Variants in EXTL3 observed in about 807,000 individuals in gnomAD.
EXTL3 encodes exostosin-like 3.
In EXTL3, 27 loss-of-function variants were observed where a neutral mutation model predicts 69.3. The observed-to-expected ratio is 0.39, with a 90% CI of 0.29 to 0.54. EXTL3 has a LOEUF of 0.54. Among genes scored for constraint, EXTL3 ranks in the 20% least tolerant of loss-of-function variants. EXTL3 has a pLI of 0.69. For synonymous variants in EXTL3, 511 were observed against 499.4 expected (o/e 1.02, Z -0.31); for missense variants, 1,003 against 1,231.8 (o/e 0.81, Z 2.78).
At position 28,715,603 on chromosome 8, in the gene EXTL3, GCATCATAAGA is replaced by G. The variant is rs1338335287; in HGVS notation, c.-456_-447del. ...TTTGCAGGCCTGATTGTTGGCAAAGGCATCATAAGAAGCTGGCATTTATTTCTGTTCTAAC... is the reference window on the plus strand; with the variant it reads ...TTTGCAGGCCTGATTGTTGGCAAAGGAGCTGGCATTTATTTCTGTTCTAAC... On this transcript the variant is annotated 5_prime_UTR_variant, in exon 3 of 7. Coordinates refer to ENST00000220562, the MANE Select transcript of EXTL3 (RefSeq NM_001440.4). The G allele has an allele frequency of 6.3e-6, 1 of 159,212 alleles. No homozygotes were observed. The highest frequency in any genetic ancestry group is 1.4e-5 in the Non-Finnish European group (1 of 72,330). The allele number at this position is 159,212 out of a possible 1,614,324, so 9.9% of individuals were successfully genotyped here.
chr8:28,718,630 G>T (rs899990850), intron 3 of EXTL3, among the ~76,000 whole-genome samples: 4 of 152,168 alleles, frequency 2.6e-5, no homozygotes, highest in Non-Finnish European at 4.4e-5. Flanking sequence ...TGAAGCTTAG[G>T]TTAATGAATT....
At chr8:28,652,376 G>C (rs530148602) in intron 1 of EXTL3, among the ~76,000 whole-genome samples, 1 of 152,070 alleles carries the variant, frequency 6.6e-6, no homozygotes, top group Non-Finnish European at 1.5e-5. Flanking sequence ...AAAAATTATA[G>C]CCTGGTGTTG....
intron 1 of EXTL3, among the ~76,000 whole-genome samples, chr8:28,643,145 G>A (rs1279769102): frequency 6.6e-6 from 1 of 152,114 alleles, no homozygotes; most frequent in Non-Finnish European, 1.5e-5. Flanking sequence ...TCAAGAGGCT[G>A]AGGCAGAAGA....
At chr8:28,673,469 G>A (rs560785616) in intron 1 of EXTL3, among the ~76,000 whole-genome samples, 1 of 152,244 alleles carries the variant, frequency 6.6e-6, no homozygotes, top group South Asian at 2.1e-4. Context: ...TTTCCTGCCT[G>A]CCTGCTTGAG....
intron 6 of EXTL3, among the ~76,000 whole-genome samples, chr8:28,747,301 T>A (rs993966189): frequency 1.3e-5 from 2 of 152,072 alleles, no homozygotes; most frequent in Non-Finnish European, 1.5e-5. Flanking sequence ...AGAGCAGCAG[T>A]GAGTGAGGGG....
intron 1 of EXTL3, chr8:28,696,187 C>T (rs1342440693): frequency 1.3e-5 from 2 of 152,086 alleles, no homozygotes; most frequent in African/African-American, 4.8e-5. Context: ...GAGCCCACCA[C>T]ACAAGCCCAA....
chr8:28,671,315 T>G lies in EXTL3; in HGVS notation c.-52-42142T>G, dbSNP rs569378736. 4.1e-3 allele frequency among the ~76,000 whole-genome samples: 589 copies of G among 144,476 alleles called. 3 individuals carry two copies. The highest frequency in any genetic ancestry group is 0.013 in the African/African-American group (503 of 38,646). The allele number at this position is 144,476 out of a possible 152,430, so 94.8% of individuals were successfully genotyped here. On this transcript the variant is annotated intron_variant, in intron 1 of 6. Transcript: ENST00000523149. The stretch of plus-strand genomic sequence containing the variant: ...TTTTTATGTTTTGTTTTTTGTTTTT[T>G]TTTTTTTTTTTTTTGAGACCGACTC...
At chr8:28,652,836 C>T (rs1806948949) in intron 1 of EXTL3, among the ~76,000 whole-genome samples, 1 of 152,084 alleles carries the variant, frequency 6.6e-6, no homozygotes, top group South Asian at 2.1e-4. Context: ...TGTTCAAGCT[C>T]TTTGTCCTCT....
intron 1 of EXTL3, among the ~76,000 whole-genome samples, chr8:28,649,413 T>C (rs1563435667): frequency 6.6e-6 from 1 of 152,232 alleles, no homozygotes; most frequent in Non-Finnish European, 1.5e-5. Context: ...GACTTAAATT[T>C]TTTGCCAATC....
chr8:28,716,874 A>G lies in EXTL3; in HGVS notation c.815A>G (p.Asn272Ser). Residue 272 changes from asparagine (N) to serine (S), a missense_variant, in exon 3 of 7, where the codon AAC (asparagine) becomes AGC (serine). By Grantham distance (46) the Asn-to-Ser change is conservative. Around this residue, in one of 2 missense-constraint regions of EXTL3, gnomAD observed 742 missense variants for 815.4 expected, o/e 0.91. Transcript: ENST00000220562. This position sits in a 1 kb window ranked among gnomAD's most constrained non-coding sequence, Gnocchi z 7.1. ...CCACACTGGCGGACGGATGGACACAACCATGTCATCATCAATCTGTCACGT... is the reference window on the plus strand; with the variant it reads ...CCACACTGGCGGACGGATGGACACAGCCATGTCATCATCAATCTGTCACGT... ...SLPHWRTDGH[N>S]HVIINLSRKS... 6 of 1,614,182 alleles carry G rather than the reference A, an allele frequency of 3.7e-6. No homozygotes were observed. Among genetic ancestry groups the G allele is most frequent in the Non-Finnish European group, 5.1e-6 (6 of 1,180,026 alleles).
intron 1 of EXTL3, among the ~76,000 whole-genome samples, chr8:28,641,791 C>T (rs35032594): frequency 0.21 from 31,199 of 151,848 alleles, 3,949 homozygotes; most frequent in Non-Finnish European, 0.28. Flanking sequence ...GGCGCCTGGC[C>T]ATAACTTTAT....
chr8:28,700,929 C>G (rs1490574540), upstream of EXTL3: 2 of 152,316 alleles, frequency 1.3e-5, no homozygotes, highest in Non-Finnish European at 2.9e-5. Context: ...TTCTTCTTTC[C>G]TGTCTTGTTT....
At chr8:28,638,874 G>A (rs184852522) in intron 1 of EXTL3, among the ~76,000 whole-genome samples, 35 of 151,562 alleles carry the variant, frequency 2.3e-4, no homozygotes, top group Admixed American at 9.9e-4. Context: ...CAGGTGATCC[G>A]CCCACCTCAA....
chr8:28,660,477 T>A (rs1479373254), intron 1 of EXTL3, among the ~76,000 whole-genome samples: 1 of 152,112 alleles, frequency 6.6e-6, no homozygotes, highest in Admixed American at 6.6e-5. Context: ...ATTATATATA[T>A]GTGTGTGTGT....
At position 28,752,164 on chromosome 8, in the gene EXTL3, C is replaced by T. The variant is rs1017560355; in HGVS notation, c.*1298C>T. The T allele has an allele frequency of 6.6e-6, 1 of 152,136 alleles. No homozygotes were observed. Among genetic ancestry groups the T allele is most frequent in the East Asian group, 1.9e-4 (1 of 5,188 alleles). 9.4% of individuals were successfully genotyped at this position (152,136 alleles called of 1,614,324 possible). Reference sequence around the variant, plus strand: ...ACATCCAGCCTTGGAATCTAACGGGCATTCACAACCCGAGTTACCACTTTC... The same window carrying T: ...ACATCCAGCCTTGGAATCTAACGGGTATTCACAACCCGAGTTACCACTTTC... On this transcript the variant is annotated 3_prime_UTR_variant, in exon 7 of 7. Coordinates refer to ENST00000220562, the MANE Select transcript of EXTL3 (RefSeq NM_001440.4).
intron 1 of EXTL3, among the ~76,000 whole-genome samples, chr8:28,665,519 C>T (rs1419243730): frequency 1.3e-5 from 2 of 151,018 alleles, no homozygotes; most frequent in Non-Finnish European, 2.9e-5. Flanking sequence ...TCAAGTGATC[C>T]TCCCACCTCA....
chr8:28,617,262 T>C (rs1308983621), intron 2 of EXTL3, among the ~76,000 whole-genome samples: 1 of 152,202 alleles, frequency 6.6e-6, no homozygotes, highest in Non-Finnish European at 1.5e-5. Flanking sequence ...TCCTCATTTT[T>C]CATGGGGATG....
At chr8:28,675,512 T>C (rs1250001124) in intron 1 of EXTL3, among the ~76,000 whole-genome samples, 1 of 152,158 alleles carries the variant, frequency 6.6e-6, no homozygotes, top group African/African-American at 2.4e-5. Context: ...GCTACACTCT[T>C]CTATCTAATA....
chr8:28,736,594 T>C (rs1801656680), intron 4 of EXTL3, among the ~76,000 whole-genome samples: 1 of 152,222 alleles, frequency 6.6e-6, no homozygotes, highest in Non-Finnish European at 1.5e-5. Flanking sequence ...CTTCTCATCA[T>C]ACATGTTTCT....
Sources: gnomAD v4.1 joint callset for allele counts (sites outside exome capture counted in the v4.1 genomes callset) on GRCh38, gnomAD v4.1.1 for gene constraint, gnomAD v4.1.1 regional missense constraint, Gnocchi (gnomAD v3.1) non-coding constraint, MANE v1.5 for transcripts, NCBI Gene and HGNC (gene_info 2026-07-23, HGNC 2026-07-21) for gene names.